PTCHD4: variants seen among roughly 807,000 people sequenced by gnomAD.
PTCHD4 encodes patched domain containing 4, also known as patched domain-containing protein 4.
Under a neutral mutation model 58.1 loss-of-function variants are expected in PTCHD4, and 33 were observed. That is an observed-to-expected ratio of 0.57 (90% confidence interval 0.43 to 0.76). The LOEUF is 0.76. Among genes scored for constraint, PTCHD4 ranks in the 30% least tolerant of loss-of-function variants. The pLI is 0.00. For missense variants in PTCHD4, 1,058 were observed against 1,027.1 expected (o/e 1.03, Z -0.41); for synonymous variants, 478 against 409.6 (o/e 1.17, Z -2.02).
chr6:48,050,937 C>T (rs1396589032), intron 3 of PTCHD4, among the ~76,000 whole-genome samples: 2 of 151,972 alleles, frequency 1.3e-5, no homozygotes, highest in African/African-American at 2.4e-5. Flanking sequence ...TTGTGTAATG[C>T]TGTACTTCAC....
At chr6:48,093,517 G>A (rs1363742087) in intron 1 of PTCHD4, among the ~76,000 whole-genome samples, 1 of 151,750 alleles carries the variant, frequency 6.6e-6, no homozygotes, top group African/African-American at 2.4e-5. Flanking sequence ...GTTAATAATG[G>A]GTGATAATTT....
At chr6:48,070,033 A>T (rs2113882995) in intron 1 of PTCHD4, among the ~76,000 whole-genome samples, 107 bp from the exon 2 acceptor site, 1 of 152,230 alleles carries the variant, frequency 6.6e-6, no homozygotes, top group South Asian at 2.1e-4. Flanking sequence ...CACCAGATAC[A>T]ATTCCTCCTT....
chr6:48,102,360 G>C (rs1765622564), intron 1 of PTCHD4, among the ~76,000 whole-genome samples: 1 of 152,182 alleles, frequency 6.6e-6, no homozygotes, highest in African/African-American at 2.4e-5. Flanking sequence ...ATTCTTTATA[G>C]GGTTATCTTA....
chr6:47,964,844 A>G (rs536921630), intron 4 of PTCHD4, among the ~76,000 whole-genome samples: 3 of 152,196 alleles, frequency 2.0e-5, no homozygotes, highest in Non-Finnish European at 2.9e-5. Flanking sequence ...CTACTACAGC[A>G]GTAAAGTTTA....
At chr6:47,936,017 T>C (rs995821856) in intron 4 of PTCHD4, among the ~76,000 whole-genome samples, 1 of 152,146 alleles carries the variant, frequency 6.6e-6, no homozygotes, top group African/African-American at 2.4e-5. Flanking sequence ...CCATTCAAAG[T>C]AGTTGAGTCT....
In PTCHD4 at chr6:48,008,739, C is replaced by T; in HGVS notation, c.793G>A (p.Gly265Arg). 2 of 1,613,888 alleles carry T rather than the reference C, an allele frequency of 1.2e-6. No homozygotes were observed. The highest frequency in any genetic ancestry group is 1.7e-6 in the Non-Finnish European group (2 of 1,179,870). The change falls in exon 4 of 5, where the codon GGG becomes AGG. Residue 265 changes from glycine to arginine, a missense_variant. Physicochemically the swap from Gly to Arg is moderately radical, Grantham distance 125. Transcript: ENST00000339488. Reference protein sequence around the residue: ...LRSKPFLGLLGVLTVCISIIT... With the variant: ...LRSKPFLGLLRVLTVCISIIT... ...ATGGAGATGCATACTGTGAGCACCC[C>T]CAGGAGGCCCAGGAAGGGCTTACTG...
At chr6:48,045,105 C>T (rs922046658) in intron 3 of PTCHD4, among the ~76,000 whole-genome samples, 20 of 151,788 alleles carry the variant, frequency 1.3e-4, no homozygotes, top group African/African-American at 4.3e-4. Context: ...GCATATCATC[C>T]CTACATCAAT....
intron 1 of PTCHD4, among the ~76,000 whole-genome samples, chr6:48,109,740 C>T (rs1405508485): frequency 1.3e-5 from 2 of 151,966 alleles, no homozygotes; most frequent in Non-Finnish European, 2.9e-5. Flanking sequence ...AACAAAACCA[C>T]AAATAACCAG....
chr6:47,883,702 C>A (rs868632357), intron 4 of PTCHD4, among the ~76,000 whole-genome samples: 1 of 152,176 alleles, frequency 6.6e-6, no homozygotes, highest in Middle Eastern at 3.4e-3. Context: ...CTGGATAATT[C>A]TTTATTGTCG....
intron 4 of PTCHD4, among the ~76,000 whole-genome samples, chr6:47,988,229 A>G (rs1300012339): frequency 3.9e-5 from 6 of 152,242 alleles, no homozygotes; most frequent in Non-Finnish European, 1.5e-5. Context: ...ACTAGATTTG[A>G]AATGTTTTCC....
intron 1 of PTCHD4, among the ~76,000 whole-genome samples, chr6:48,094,774 T>C (rs1765429241): frequency 6.6e-6 from 1 of 152,230 alleles, no homozygotes; most frequent in Non-Finnish European, 1.5e-5. Flanking sequence ...CAGATAAATA[T>C]GGTTTCTCTT....
chr6:48,090,111 A>T (rs1765336357), intron 1 of PTCHD4, among the ~76,000 whole-genome samples: 1 of 152,208 alleles, frequency 6.6e-6, no homozygotes, highest in Non-Finnish European at 1.5e-5. Flanking sequence ...TTCAGAATCT[A>T]CAGTGTTATA....
intron 4 of PTCHD4, among the ~76,000 whole-genome samples, chr6:47,897,888 G>A (rs904105594): frequency 3.3e-5 from 5 of 150,548 alleles, no homozygotes; most frequent in African/African-American, 4.9e-5. Flanking sequence ...TTGAAGCTGC[G>A]GTTTTTTATT....
intron 3 of PTCHD4, among the ~76,000 whole-genome samples, chr6:48,042,058 C>T (rs1234373062): frequency 6.6e-6 from 1 of 152,000 alleles, no homozygotes; most frequent in Non-Finnish European, 1.5e-5. Context: ...GACTAGCCTC[C>T]TCTATTTTAA....
intron 1 of PTCHD4, among the ~76,000 whole-genome samples, chr6:48,105,085 C>T (rs532456737): frequency 2.5e-4 from 38 of 152,268 alleles, no homozygotes; most frequent in South Asian, 1.7e-3. Context: ...TTGAACTCAG[C>T]TCTGCACCAA....
chr6:48,092,399 G>A (rs1765384247), intron 1 of PTCHD4, among the ~76,000 whole-genome samples: 1 of 152,178 alleles, frequency 6.6e-6, no homozygotes, highest in Non-Finnish European at 1.5e-5. Context: ...TCAATATGCA[G>A]CTAGGGGATC....
At chr6:47,899,324 G>T (rs1449418652) in intron 4 of PTCHD4, among the ~76,000 whole-genome samples, 1 of 152,106 alleles carries the variant, frequency 6.6e-6, no homozygotes, top group East Asian at 1.9e-4. Flanking sequence ...ATTATCACAG[G>T]TGCTTAGGAC....
chr6:47,890,720 G>C (rs574164728), intron 4 of PTCHD4, among the ~76,000 whole-genome samples: 2 of 152,236 alleles, frequency 1.3e-5, no homozygotes, highest in Admixed American at 1.3e-4. Context: ...TTGTAAGGGG[G>C]GGGATTCCCG....
intron 3 of PTCHD4, among the ~76,000 whole-genome samples, chr6:48,010,506 A>C (rs1330441376): frequency 6.6e-6 from 1 of 151,996 alleles, no homozygotes; most frequent in Non-Finnish European, 1.5e-5. Context: ...AATACTTGAG[A>C]GTGTGTTGCA....
Sources: gnomAD v4.1 joint callset for allele counts (sites outside exome capture counted in the v4.1 genomes callset) on GRCh38, gnomAD v4.1.1 for gene constraint, MANE v1.5 for transcripts, NCBI Gene and HGNC (gene_info 2026-07-23, HGNC 2026-07-21) for gene names.